Variants in SFT2D2 observed in about 807,000 individuals in gnomAD.
SFT2D2 encodes the protein vesicle transport protein SFT2B.
A neutral mutation model predicts 27.4 loss-of-function variants in SFT2D2; 21 were observed. That is an observed-to-expected ratio of 0.77 (90% CI 0.54 to 1.10). The LOEUF (loss-of-function observed/expected upper bound fraction) is 1.10, where lower values mean the gene tolerates loss of function less well. SFT2D2 is among the 50% of genes least tolerant of loss of function. The pLI is 0.00. For missense variants in SFT2D2, 187 were observed against 194.2 expected, an observed-to-expected ratio of 0.96 and a Z score of 0.22; for synonymous variants, 72 against 71.7, an observed-to-expected ratio of 1.00 and a Z score of -0.02.
intron 7 of SFT2D2, among the ~76,000 whole-genome samples, chr1:168,240,542 C>T (rs1647618262): frequency 6.6e-6 from 1 of 152,116 alleles, no homozygotes; most frequent in Non-Finnish European, 1.5e-5. Context: ...AACCTGCCAA[C>T]ATATGAATAT....
At position 168,246,694 on chromosome 1, in the gene SFT2D2, C is replaced by T. The variant is rs776290997; in HGVS notation, c.*4154C>T. On this transcript the variant is annotated 3_prime_UTR_variant, in exon 8 of 8. Coordinates refer to ENST00000271375, the MANE Select transcript of SFT2D2 (RefSeq NM_199344.3). ...ATCATGTAGAGCAACATTCAGTCTACGATGGTATGATTCCATTTCGTCAGT... is the reference window on the plus strand; with the variant it reads ...ATCATGTAGAGCAACATTCAGTCTATGATGGTATGATTCCATTTCGTCAGT... The T allele has an allele frequency of 1.2e-4, 127 of 1,093,866 alleles. No individual in the cohort carries two copies. Among genetic ancestry groups the T allele is most frequent in the Non-Finnish European group, 1.5e-4 (108 of 730,336 alleles). The allele number at this position is 1,093,866 out of a possible 1,614,324, so 67.8% of individuals were successfully genotyped here. A position where few individuals can be genotyped will look rare whatever the true frequency, so the allele number is the denominator to read the frequency against.
chr1:168,241,516 C>T (rs1165198263), intron 7 of SFT2D2, among the ~76,000 whole-genome samples: 1 of 151,968 alleles, frequency 6.6e-6, no homozygotes, highest in Non-Finnish European at 1.5e-5. Context: ...TGTAAGTTCC[C>T]CTGGAATAGC....
chr1:168,242,125 T>A (rs1647660909), intron 7 of SFT2D2, among the ~76,000 whole-genome samples: 1 of 152,190 alleles, frequency 6.6e-6, no homozygotes, highest in Non-Finnish European at 1.5e-5. Context: ...AGGTCCCAGT[T>A]AATATTTGAT....
intron 7 of SFT2D2, among the ~76,000 whole-genome samples, chr1:168,239,667 A>T (rs1264059688): frequency 6.6e-6 from 1 of 152,002 alleles, no homozygotes; most frequent in Non-Finnish European, 1.5e-5. Context: ...CAAAGCATCG[A>T]TAAGTAGACT....
intron 1 of SFT2D2, among the ~76,000 whole-genome samples, chr1:168,227,266 G>T (rs923855563): frequency 2.6e-5 from 4 of 152,118 alleles, no homozygotes; most frequent in African/African-American, 9.7e-5. Context: ...TCGCTTTTTG[G>T]TGTATTCTTT....
At position 168,242,492 on chromosome 1, in the gene SFT2D2, C is replaced by G; in HGVS notation, c.444-9C>G. ...CGTTCCACTCATCTTTGTGTCTTTT[C>G]TTTCCTAGGGATGCTGTGAAGAAGT... On this transcript the variant is annotated splice_polypyrimidine_tract_variant and intron_variant, in intron 7 of 7. Transcript: ENST00000271375. The G allele has an allele frequency of 1.2e-6, 2 of 1,613,822 alleles. No individual in the cohort carries two copies. The highest frequency in any genetic ancestry group is 4.5e-5 in the East Asian group (2 of 44,884).
chr1:168,246,986 C>T lies in SFT2D2; in HGVS notation c.*4446C>T, dbSNP rs1228037168. The T allele has an allele frequency of 3.5e-6, 2 of 578,934 alleles. No individual in the cohort carries two copies. The highest frequency in any genetic ancestry group is 1.1e-4 in the East Asian group (2 of 18,686). 35.9% of individuals were successfully genotyped at this position (578,934 alleles called of 1,614,324 possible). On this transcript the variant is annotated 3_prime_UTR_variant, in exon 8 of 8. Coordinates refer to ENST00000271375, the MANE Select transcript of SFT2D2 (RefSeq NM_199344.3). ...CTTGCATCAAATGGTTTTTATGCAA[C>T]AGGTCTTCTTCTTTTTCATGACTAT...
intron 6 of SFT2D2, among the ~76,000 whole-genome samples, chr1:168,238,076 C>T (rs1189956573): frequency 6.6e-6 from 1 of 152,084 alleles, no homozygotes; most frequent in Non-Finnish European, 1.5e-5. Context: ...GTTTGCTTTT[C>T]TAAGGGCTAA....
chr1:168,241,973 A>G (rs1176243635), intron 7 of SFT2D2, among the ~76,000 whole-genome samples: 1 of 152,098 alleles, frequency 6.6e-6, no homozygotes, highest in Non-Finnish European at 1.5e-5. Context: ...TAGAATAGTA[A>G]TTTCTTGAAG....
chr1:168,235,576 A>G (rs1647472471), intron 4 of SFT2D2, among the ~76,000 whole-genome samples: 1 of 152,220 alleles, frequency 6.6e-6, no homozygotes, highest in African/African-American at 2.4e-5. Flanking sequence ...CCTGTCTTAT[A>G]GAATGGCCTC....
intron 3 of SFT2D2, among the ~76,000 whole-genome samples, chr1:168,234,710 T>C (rs1320054461): frequency 6.6e-6 from 1 of 152,220 alleles, no homozygotes; most frequent in East Asian, 1.9e-4. Flanking sequence ...GGTTTTTCTT[T>C]AAACTTCCTG....
Position 168,242,822 on chromosome 1 carries a change from C to G in SFT2D2, c.*282C>G, listed in dbSNP as rs7551293. 2.8e-3 allele frequency: 1,243 copies of G among 445,540 alleles called. 8 individuals carry two copies. Among genetic ancestry groups the G allele is most frequent in the African/African-American group, 0.021 (1,049 of 50,182 alleles). The allele number at this position is 445,540 out of a possible 1,614,324, so 27.6% of individuals were successfully genotyped here. A position where few individuals can be genotyped will look rare whatever the true frequency, so the allele number is the denominator to read the frequency against. On this transcript the variant is annotated 3_prime_UTR_variant, in exon 8 of 8. Transcript: ENST00000271375. ...TCTGGATGTTGTCCCACTGAATTCC[C>G]ATGAATACAAACCTATTCAGCAACA... is the stretch of plus-strand genomic sequence containing the variant.
At position 168,233,746 on chromosome 1, in the gene SFT2D2, C is replaced by G. The variant is rs141290258; in HGVS notation, c.237-1355C>G. ...AGTCTAGAAGAGCTCTTTAGCAAATCCCTATGGGCTGGATTCTTCATAGAC... is the reference window on the plus strand; with the variant it reads ...AGTCTAGAAGAGCTCTTTAGCAAATGCCTATGGGCTGGATTCTTCATAGAC... On this transcript the variant is annotated intron_variant, in intron 3 of 7. Coordinates refer to ENST00000271375, the MANE Select transcript of SFT2D2 (RefSeq NM_199344.3). Among the ~76,000 whole-genome samples the G allele has an allele frequency of 9.0e-3, 1,369 of 152,258 alleles. 12 individuals are homozygous for G. The highest frequency in any genetic ancestry group is 0.041 in the South Asian group (197 of 4,814).
At position 168,226,048 on chromosome 1, in the gene SFT2D2, G is replaced by A; in HGVS notation, c.-32G>A. ...TTAGCGAGCGCAACAGGCTGCCGCT[G>A]AGGAGCTGGAGCTGGTGGGGACTGG... On this transcript the variant is annotated 5_prime_UTR_variant, in exon 1 of 8. Coordinates refer to ENST00000271375, the MANE Select transcript of SFT2D2 (RefSeq NM_199344.3). 6.7e-7 allele frequency: 1 copy of A among 1,496,158 alleles called. No individual in the cohort carries two copies. Among genetic ancestry groups the A allele is most frequent in the Non-Finnish European group, 8.9e-7 (1 of 1,118,942 alleles). The allele number at this position is 1,496,158 out of a possible 1,614,324, so 92.7% of individuals were successfully genotyped here.
chr1:168,250,058 C>A lies in SFT2D2; in HGVS notation c.*7518C>A, dbSNP rs953546154. On this transcript the variant is annotated 3_prime_UTR_variant, in exon 8 of 8. Transcript: ENST00000271375. The stretch of plus-strand genomic sequence containing the variant: ...GGTAAAGAGCCTATCCCAGACCCCA[C>A]GAGTGGAGGCGTCAGGGAGGGGTTC... The A allele has an allele frequency of 2.6e-5, 4 of 152,140 alleles. No homozygotes were observed. The highest frequency in any genetic ancestry group is 5.9e-5 in the Non-Finnish European group (4 of 68,040). The allele number at this position is 152,140 out of a possible 1,614,324, so 9.4% of individuals were successfully genotyped here.
chr1:168,232,382 T>A (rs1467819386), intron 3 of SFT2D2, among the ~76,000 whole-genome samples: 1 of 152,230 alleles, frequency 6.6e-6, no homozygotes, highest in Non-Finnish European at 1.5e-5. Flanking sequence ...CAGCCCATTC[T>A]GCATGTTGTG....
chr1:168,230,482 A>G (rs377462283), intron 1 of SFT2D2, among the ~76,000 whole-genome samples: 166 of 151,960 alleles, frequency 1.1e-3, no homozygotes, highest in African/African-American at 3.6e-3. Context: ...CTTTGATGTC[A>G]TTTTTTTCCG....
rs1355112099 is a variant in SFT2D2, at chr1:168,247,154, C to CT, written c.*4617dup. 1.4e-5 allele frequency: 4 copies of CT among 278,048 alleles called. No individual in the cohort carries two copies. The highest frequency in any genetic ancestry group is 3.7e-5 in the South Asian group (1 of 27,286). The allele number at this position is 278,048 out of a possible 1,614,324, so 17.2% of individuals were successfully genotyped here. A position where few individuals can be genotyped will look rare whatever the true frequency, so the allele number is the denominator to read the frequency against. ...TTACTGTAAGTCACTCAGTGATTAT[C>CT]TTTAAGTTCCACTGATCTTTTACAT... On this transcript the variant is annotated 3_prime_UTR_variant, in exon 8 of 8. Coordinates refer to ENST00000271375, the MANE Select transcript of SFT2D2 (RefSeq NM_199344.3).
At chr1:168,235,057 C>G in intron 3 of SFT2D2, 44 bp from the exon 4 acceptor site, 1 of 1,551,230 alleles carries the variant, frequency 6.4e-7, no homozygotes, top group Non-Finnish European at 8.9e-7. Flanking sequence ...GTGCCTAGTG[C>G]AGTTCTGTTC....
Sources: gnomAD v4.1 joint callset for allele counts (sites outside exome capture counted in the v4.1 genomes callset) on GRCh38, gnomAD v4.1.1 for gene constraint, MANE v1.5 for transcripts, NCBI Gene and HGNC (gene_info 2026-07-23, HGNC 2026-07-21) for gene names.